The following SORCS2 variants were observed in gnomAD, a reference collection of about 807,000 sequenced individuals.
The protein encoded by SORCS2 is VPS10 domain-containing receptor SorCS2.
Under a neutral mutation model 141.6 loss-of-function variants are expected in SORCS2, and 100 were observed. That is an observed-to-expected ratio of 0.71 (90% CI 0.60 to 0.83). The LOEUF (loss-of-function observed/expected upper bound fraction) is 0.83, where lower values mean the gene tolerates loss of function less well. Ranked by LOEUF, SORCS2 falls within the 40% of genes least tolerant of loss-of-function variation. The pLI is 0.00. For synonymous variants in SORCS2, 789 were observed against 676.9 expected, an observed-to-expected ratio of 1.17 and a Z score of -2.57; for missense variants, 1,646 against 1,560.2, an observed-to-expected ratio of 1.05 and a Z score of -0.93.
intron 3 of SORCS2, among the ~76,000 whole-genome samples, chr4:7,631,965 C>T (rs1257337770): frequency 6.6e-6 from 1 of 152,198 alleles, no homozygotes; most frequent in Non-Finnish European, 1.5e-5. Context: ...GCAAGGATAC[C>T]ATTGGCTGCA....
intron 3 of SORCS2, among the ~76,000 whole-genome samples, chr4:7,620,899 G>A (rs1047684918): frequency 3.3e-5 from 5 of 152,166 alleles, no homozygotes; most frequent in African/African-American, 9.6e-5. Context: ...CCTCGGCCAC[G>A]AGGTCAGCCC....
At chr4:7,563,315 C>T (rs532221897) in intron 3 of SORCS2, among the ~76,000 whole-genome samples, 8 of 152,298 alleles carry the variant, frequency 5.3e-5, no homozygotes, top group African/African-American at 1.9e-4. Flanking sequence ...CAGATAACAT[C>T]ACCAGCAAGA....
intron 2 of SORCS2, among the ~76,000 whole-genome samples, chr4:7,410,949 CTTTTTTTTT>C (rs5855962): frequency 0.054 from 3,964 of 73,970 alleles, 138 homozygotes; most frequent in African/African-American, 0.14. Context: ...TCTCTCCATC[CTTTTTTTTT>C]TTTTTTTTTT....
intron 2 of SORCS2, among the ~76,000 whole-genome samples, chr4:7,418,665 G>A (rs1413419602): frequency 6.6e-6 from 1 of 151,690 alleles, no homozygotes. Context: ...TTGCAGTGAG[G>A]GTGATATATC....
chr4:7,623,796 G>A (rs1189018305), intron 3 of SORCS2, among the ~76,000 whole-genome samples: 1 of 152,176 alleles, frequency 6.6e-6, no homozygotes, highest in Admixed American at 6.5e-5. Context: ...ACTAGACTGT[G>A]TGCTCCATGG....
intron 3 of SORCS2, among the ~76,000 whole-genome samples, chr4:7,538,491 C>T (rs1346579301): frequency 1.3e-5 from 2 of 152,216 alleles, no homozygotes; most frequent in Non-Finnish European, 2.9e-5. Context: ...CTGGCCCAGG[C>T]ATGGAATTTC....
In SORCS2 at chr4:7,676,200, G is replaced by A. The variant is rs1482778873; in HGVS notation, c.1312G>A (p.Glu438Lys). 1.3e-6 allele frequency: 2 copies of A among 1,552,164 alleles called. No individual in the cohort carries two copies. Among genetic ancestry groups the A allele is most frequent in the African/African-American group, 2.7e-5 (2 of 73,090 alleles). The change falls in exon 9 of 27, where the codon GAG becomes AAG. Residue 438 changes from glutamate (E) to lysine (K), a missense_variant. Physicochemically the swap from Glu to Lys is moderately conservative, Grantham distance 56. Coordinates refer to ENST00000507866, the MANE Select transcript of SORCS2 (RefSeq NM_020777.3). ...GGACGTGCGCAGCTCACGGCAGGCG[G>A]AGGAGAGCGTGCTCATCGACATCCT... ...LQDVRSSRQA[E>K]ESVLIDILEV...
chr4:7,614,385 T>TCCACCTA (rs1718619526), intron 3 of SORCS2, among the ~76,000 whole-genome samples: 1 of 132,816 alleles, frequency 7.5e-6, no homozygotes, highest in African/African-American at 2.9e-5. Context: ...CCATCCACCT[T>TCCACCTA]TCCACCATCC....
intron 2 of SORCS2, chr4:7,434,655 G>T (rs1346277121): frequency 9.3e-6 from 15 of 1,612,886 alleles, no homozygotes; most frequent in Non-Finnish European, 1.3e-5. Context: ...TCAGCCCATT[G>T]CCAGCGGCGG....
Position 7,728,347 on chromosome 4 carries a change from C to G in SORCS2, c.2870-3C>G. On this transcript the variant is annotated splice_region_variant and splice_polypyrimidine_tract_variant and intron_variant, in intron 21 of 26. Transcript: ENST00000507866. ...CCAGTCTCCCTTCTCTGCGTCTTTCCAGATCAATTTCAAGTCATGCCTCTG... is the reference window on the plus strand; with the variant it reads ...CCAGTCTCCCTTCTCTGCGTCTTTCGAGATCAATTTCAAGTCATGCCTCTG... 6.2e-7 allele frequency: 1 copy of G among 1,611,012 alleles called. No individual in the cohort carries two copies. The highest frequency in any genetic ancestry group is 8.5e-7 in the Non-Finnish European group (1 of 1,177,826).
Position 7,400,467 on chromosome 4 carries a change from A to C in SORCS2, c.548+4112A>C, listed in dbSNP as rs934763515. 1.1e-4 allele frequency among the ~76,000 whole-genome samples: 12 copies of C among 110,048 alleles called. No individual in the cohort carries two copies. In the East Asian group the frequency reaches 2.2e-3, roughly 20 times the overall value. The allele number at this position is 110,048 out of a possible 152,430, so 72.2% of individuals were successfully genotyped here. ...GTTCCTGTTTATGGTTTGCCCCACC[A>C]CCACCACCACCACCACCACCACTAG... On this transcript the variant is annotated intron_variant, in intron 2 of 26. Coordinates refer to ENST00000507866, the MANE Select transcript of SORCS2 (RefSeq NM_020777.3).
intron 1 of SORCS2, among the ~76,000 whole-genome samples, chr4:7,265,043 G>A (rs116613906): frequency 5.0e-4 from 76 of 152,348 alleles, no homozygotes; most frequent in African/African-American, 1.6e-3. Flanking sequence ...AGGCTTCCCC[G>A]ATGCCTCTGG....
At chr4:7,658,957 G>T (rs946052945) in intron 5 of SORCS2, among the ~76,000 whole-genome samples, 1 of 152,246 alleles carries the variant, frequency 6.6e-6, no homozygotes, top group African/African-American at 2.4e-5. Context: ...ATACCAGGAA[G>T]TGACTTCCTC....
At chr4:7,347,232 A>C (rs1720695122) in intron 1 of SORCS2, among the ~76,000 whole-genome samples, 1 of 152,070 alleles carries the variant, frequency 6.6e-6, no homozygotes, top group Non-Finnish European at 1.5e-5. Context: ...CAGGTGGGGC[A>C]CCTGTGCCAG....
At position 7,338,285 on chromosome 4, in the gene SORCS2, AGGATGGATGGAT is replaced by A. The variant is rs36023886; in HGVS notation, c.481-57985_481-57974del. On this transcript the variant is annotated intron_variant, in intron 1 of 26. Coordinates refer to ENST00000507866, the MANE Select transcript of SORCS2 (RefSeq NM_020777.3). ...GATGCATGGATGTCGGTTGGATGGA[AGGATGGATGGAT>A]GGATGGATGGATGGATGTCGGTTGG... 3.6e-5 allele frequency among the ~76,000 whole-genome samples: 5 copies of A among 138,758 alleles called. No individual in the cohort carries two copies. The East Asian group carries it at 6.6e-4, about 18-fold the overall frequency. 91.0% of individuals were successfully genotyped at this position (138,758 alleles called of 152,430 possible).
chr4:7,635,259 C>T (rs145430147), intron 3 of SORCS2, among the ~76,000 whole-genome samples: 26 of 152,290 alleles, frequency 1.7e-4, no homozygotes, highest in Non-Finnish European at 2.8e-4. Context: ...GCTCTGGAGT[C>T]AAACACTCGG....
At chr4:7,210,434 A>G (rs1039153801) in intron 1 of SORCS2, among the ~76,000 whole-genome samples, 15 of 152,126 alleles carry the variant, frequency 9.9e-5, no homozygotes, top group African/African-American at 3.6e-4. Flanking sequence ...GGCACGCGCT[A>G]CCATGCCTGG....
intron 10 of SORCS2, among the ~76,000 whole-genome samples, chr4:7,685,665 C>T (rs1222979238): frequency 6.8e-6 from 1 of 146,306 alleles, no homozygotes; most frequent in Non-Finnish European, 1.5e-5. Context: ...AGCGAGATTC[C>T]ACCTCAAAAA....
intron 3 of SORCS2, among the ~76,000 whole-genome samples, chr4:7,575,924 C>T (rs1415930639): frequency 6.6e-6 from 1 of 152,190 alleles, no homozygotes; most frequent in African/African-American, 2.4e-5. Context: ...AGTAATTTGA[C>T]AACTGAATGA....
Sources: gnomAD v4.1 joint callset for allele counts (sites outside exome capture counted in the v4.1 genomes callset) on GRCh38, gnomAD v4.1.1 for gene constraint, MANE v1.5 for transcripts, NCBI Gene and HGNC (gene_info 2026-07-23, HGNC 2026-07-21) for gene names.